TCF12: variants seen among roughly 807,000 people sequenced by gnomAD.
TCF12 encodes the protein transcription factor 12.
In TCF12, 45 loss-of-function variants were observed where a neutral mutation model predicts 86.0. That is an observed-to-expected ratio of 0.52 (90% CI 0.41 to 0.67). The LOEUF is 0.67. TCF12 is among the 30% of genes least tolerant of loss of function. The pLI is 0.00. For missense variants in TCF12, 881 were observed against 859.9 expected (o/e 1.02, Z -0.31); for synonymous variants, 330 against 299.6 (o/e 1.10, Z -1.05).
chr15:57,165,220 TA>T (rs2054799795), intron 5 of TCF12, among the ~76,000 whole-genome samples: 1 of 151,858 alleles, frequency 6.6e-6, no homozygotes, highest in Admixed American at 6.6e-5. Flanking sequence ...CAAAAAAATA[TA>T]AAAACTATCT....
At chr15:57,111,213 T>C (rs967904034) in intron 5 of TCF12, among the ~76,000 whole-genome samples, 2 of 152,128 alleles carry the variant, frequency 1.3e-5, no homozygotes, top group Non-Finnish European at 2.9e-5. Context: ...GAATGTGTTA[T>C]TTCACCCTGG....
intron 4 of TCF12, among the ~76,000 whole-genome samples, chr15:57,081,066 A>G (rs1266361632): frequency 4.6e-5 from 7 of 152,142 alleles, no homozygotes; most frequent in Non-Finnish European, 4.4e-5. Context: ...CCCCAGTCCA[A>G]ACAGTTTACT....
intron 4 of TCF12, among the ~76,000 whole-genome samples, chr15:57,071,256 A>G (rs1322493065): frequency 7.2e-5 from 11 of 151,802 alleles, no homozygotes; most frequent in Non-Finnish European, 1.6e-4. Flanking sequence ...AAAATAGAAA[A>G]AAAAAAAAAT....
intron 11 of TCF12, among the ~76,000 whole-genome samples, chr15:57,233,118 G>GTGTATATA (rs199629610): frequency 2.0e-5 from 3 of 149,652 alleles, no homozygotes; most frequent in East Asian, 1.9e-4. Flanking sequence ...ATATATGTTT[G>GTGTATATA]TGTATATATG....
intron 4 of TCF12, among the ~76,000 whole-genome samples, chr15:57,068,494 A>C (rs1205072832): frequency 6.6e-6 from 1 of 152,192 alleles, no homozygotes; most frequent in Non-Finnish European, 1.5e-5. Context: ...AATAAAATCA[A>C]TTTCCCCTCT....
chr15:57,226,497 A>G (rs1471099241), intron 8 of TCF12, among the ~76,000 whole-genome samples: 6 of 152,168 alleles, frequency 3.9e-5, no homozygotes, highest in African/African-American at 1.2e-4. Context: ...GTGTTTAATG[A>G]TACTGAACAT....
At chr15:56,970,892 A>G (rs541965786) in intron 3 of TCF12, among the ~76,000 whole-genome samples, 2 of 142,260 alleles carry the variant, frequency 1.4e-5, no homozygotes, top group Admixed American at 1.4e-4. Context: ...TCTACAAAAA[A>G]TAAAAAAAAA....
At chr15:57,285,972 C>G (rs1316067130) in intron 20 of TCF12, among the ~76,000 whole-genome samples, 185 bp from the exon 21 acceptor site, 3 of 152,148 alleles carry the variant, frequency 2.0e-5, no homozygotes, top group African/African-American at 7.2e-5. Flanking sequence ...CAAGTAAAAC[C>G]ATTTCAGTAT....
intron 5 of TCF12, among the ~76,000 whole-genome samples, chr15:57,107,762 A>G (rs1378231695): frequency 6.6e-6 from 1 of 152,004 alleles, no homozygotes; most frequent in Non-Finnish European, 1.5e-5. Flanking sequence ...TTAAGAAATG[A>G]GCTGGGTTGG....
chr15:56,996,832 C>G (rs1221352468), intron 3 of TCF12, among the ~76,000 whole-genome samples: 3 of 152,152 alleles, frequency 2.0e-5, no homozygotes, highest in Admixed American at 6.5e-5. Flanking sequence ...AGACACTTCT[C>G]AAAAGAAGAC....
chr15:57,198,928 T>G (rs1016988776), intron 8 of TCF12, among the ~76,000 whole-genome samples: 3 of 152,170 alleles, frequency 2.0e-5, no homozygotes, highest in Non-Finnish European at 2.9e-5. Flanking sequence ...TTGTCTGCCT[T>G]CCTTCTTTTC....
intron 3 of TCF12, among the ~76,000 whole-genome samples, chr15:57,030,951 C>A (rs929999305): frequency 1.3e-5 from 2 of 152,164 alleles, no homozygotes; most frequent in African/African-American, 4.8e-5. Context: ...CAAATCCAAC[C>A]AATTGCCTAT....
chr15:57,010,223 G>A (rs2064740881), intron 3 of TCF12, among the ~76,000 whole-genome samples: 1 of 151,830 alleles, frequency 6.6e-6, no homozygotes, highest in Admixed American at 6.6e-5. Context: ...TCTAAAATTT[G>A]GACTCAAGTC....
chr15:57,195,084 G>T (rs2151727933), intron 7 of TCF12, among the ~76,000 whole-genome samples: 1 of 152,140 alleles, frequency 6.6e-6, no homozygotes, highest in East Asian at 1.9e-4. Context: ...TGTATTTTTA[G>T]TAGAGAAGGG....
intron 13 of TCF12, among the ~76,000 whole-genome samples, chr15:57,250,880 T>G (rs1168483731): frequency 1.4e-4 from 19 of 138,472 alleles, no homozygotes; most frequent in African/African-American, 4.8e-4. Context: ...TGGGCGACAG[T>G]GAGACTCCAT....
intron 3 of TCF12, among the ~76,000 whole-genome samples, chr15:56,928,947 G>C (rs557978152): frequency 6.6e-6 from 1 of 152,288 alleles, no homozygotes; most frequent in South Asian, 2.1e-4. Context: ...AGAGAAGAAG[G>C]AACATAAACT....
At chr15:57,276,672 TAAAG>T (rs1297046674) in intron 19 of TCF12, among the ~76,000 whole-genome samples, 6 of 151,948 alleles carry the variant, frequency 3.9e-5, no homozygotes, top group African/African-American at 9.7e-5. Context: ...AGCTTATAGA[TAAAG>T]AAACAAGAAT....
At chr15:57,045,373 G>C (rs559294978) in intron 3 of TCF12, among the ~76,000 whole-genome samples, 1 of 152,242 alleles carries the variant, frequency 6.6e-6, no homozygotes, top group East Asian at 1.9e-4. Context: ...CATGAAAGTA[G>C]GAAAAGAGTT....
chr15:57,211,156 A>G (rs1233299662), intron 8 of TCF12, among the ~76,000 whole-genome samples: 3 of 152,264 alleles, frequency 2.0e-5, no homozygotes, highest in Non-Finnish European at 4.4e-5. Context: ...TTGAGAAACC[A>G]AAATTGTTAT....
Sources: gnomAD v4.1 joint callset for allele counts (sites outside exome capture counted in the v4.1 genomes callset) on GRCh38, gnomAD v4.1.1 for gene constraint, MANE v1.5 for transcripts, NCBI Gene and HGNC (gene_info 2026-07-23, HGNC 2026-07-21) for gene names.